Variants in MYO5B observed in about 807,000 individuals in gnomAD.
The protein encoded by MYO5B is unconventional myosin-Vb.
In MYO5B, 143 loss-of-function variants were observed where a neutral mutation model predicts 229.3. The ratio of observed to expected loss-of-function variants is 0.62; its 90% CI spans 0.54 to 0.72. The LOEUF (loss-of-function observed/expected upper bound fraction) is 0.72, where lower values mean the gene tolerates loss of function less well. MYO5B is among the 30% of genes least tolerant of loss of function. The pLI is 0.00. For missense variants in MYO5B, 2,321 were observed against 2,331.0 expected (o/e 1.00, Z 0.09); for synonymous variants, 918 against 885.2 (o/e 1.04, Z -0.66).
At chr18:50,043,375 AT>A (rs2030096569) in intron 2 of MYO5B, among the ~76,000 whole-genome samples, 4 of 98,506 alleles carry the variant, frequency 4.1e-5, no homozygotes, top group Non-Finnish European at 7.7e-5. Context: ...TATATAATAT[AT>A]AATATATTAA....
intron 2 of MYO5B, among the ~76,000 whole-genome samples, chr18:50,051,399 T>C (rs778101777): frequency 3.9e-5 from 6 of 152,130 alleles, no homozygotes; most frequent in Non-Finnish European, 5.9e-5. Flanking sequence ...TGATAGATAG[T>C]AGATACAAAC....
chr18:49,864,952 A>C (rs1245904475), intron 27 of MYO5B, among the ~76,000 whole-genome samples: 1 of 152,190 alleles, frequency 6.6e-6, no homozygotes, highest in Admixed American at 6.5e-5. Flanking sequence ...CAGAGGAAAA[A>C]TACCTACATA....
chr18:50,152,443 A>C (rs1173368931), intron 1 of MYO5B, among the ~76,000 whole-genome samples: 1 of 152,266 alleles, frequency 6.6e-6, no homozygotes, highest in Non-Finnish European at 1.5e-5. Flanking sequence ...TAAATGTGCT[A>C]CTGCTTTCAG....
intron 1 of MYO5B, among the ~76,000 whole-genome samples, chr18:50,089,726 A>T (rs751019363): frequency 1.4e-4 from 22 of 152,138 alleles, no homozygotes; most frequent in Non-Finnish European, 2.5e-4. Context: ...CTCTGCAAAC[A>T]CAAACGTTTC....
intron 1 of MYO5B, among the ~76,000 whole-genome samples, chr18:50,055,780 G>A (rs1184965195): frequency 2.0e-5 from 3 of 151,264 alleles, no homozygotes; most frequent in African/African-American, 7.4e-5. Flanking sequence ...TATAGCAAAT[G>A]TTCAAAGCTT....
At chr18:50,073,034 T>C (rs192537515) in intron 1 of MYO5B, among the ~76,000 whole-genome samples, 103 of 152,316 alleles carry the variant, frequency 6.8e-4, no homozygotes, top group African/African-American at 2.3e-3. Flanking sequence ...GCCAAAGATT[T>C]ACTCCTAGCC....
chr18:49,863,339 C>T lies in MYO5B; in HGVS notation c.3844-12G>A. On this transcript the variant is annotated splice_polypyrimidine_tract_variant and intron_variant, in intron 28 of 39. Transcript: ENST00000285039. Reference sequence around the variant, plus strand: ...TTAATGTTCGGCTCCTAGAAAGCCCCAGATAAAAAAATAACTCTGGTTAAA... The same window carrying T: ...TTAATGTTCGGCTCCTAGAAAGCCCTAGATAAAAAAATAACTCTGGTTAAA... 6.2e-7 allele frequency: 1 copy of T among 1,611,972 alleles called. No homozygotes were observed. Among genetic ancestry groups the T allele is most frequent in the Non-Finnish European group, 8.5e-7 (1 of 1,178,578 alleles).
chr18:50,073,483 C>T (rs1251253490), intron 1 of MYO5B, among the ~76,000 whole-genome samples: 12 of 152,188 alleles, frequency 7.9e-5, no homozygotes, highest in African/African-American at 2.9e-4. Flanking sequence ...ACTCTGGCCA[C>T]CTGTTTGCTG....
intron 4 of MYO5B, among the ~76,000 whole-genome samples, chr18:50,015,424 T>C (rs1327375627): frequency 1.3e-5 from 2 of 152,244 alleles, no homozygotes; most frequent in Non-Finnish European, 2.9e-5. Flanking sequence ...TAAACTATTC[T>C]GGGTGTTCCT....
intron 12 of MYO5B, among the ~76,000 whole-genome samples, chr18:49,955,549 C>G (rs970830578): frequency 6.6e-6 from 1 of 152,156 alleles, no homozygotes; most frequent in Non-Finnish European, 1.5e-5. Flanking sequence ...TTATGGTAAA[C>G]TAATAAAATC....
intron 2 of MYO5B, among the ~76,000 whole-genome samples, chr18:50,050,047 G>C (rs2030351027): frequency 6.6e-6 from 1 of 152,144 alleles, no homozygotes; most frequent in African/African-American, 2.4e-5. Context: ...AATATTACCA[G>C]TAGATAATTA....
chr18:49,911,994 C>T (rs182680759), intron 18 of MYO5B, 68 bp downstream of exon 18: 646 of 1,197,548 alleles, frequency 5.4e-4, no homozygotes, highest in Non-Finnish European at 6.9e-4. Context: ...ATGTAGATAA[C>T]GACGCCACCC....
intron 18 of MYO5B, among the ~76,000 whole-genome samples, chr18:49,908,898 T>C (rs2024928512): frequency 6.6e-6 from 1 of 152,180 alleles, no homozygotes; most frequent in South Asian, 2.1e-4. Flanking sequence ...CTAAAATCCT[T>C]GCAGGGGAGA....
intron 4 of MYO5B, among the ~76,000 whole-genome samples, chr18:50,007,978 C>G (rs1174216600): frequency 6.6e-6 from 1 of 152,186 alleles, no homozygotes; most frequent in Admixed American, 6.5e-5. Context: ...CGGATTCAAA[C>G]TCAGGCTTCC....
chr18:50,065,021 AC>A (rs2030784263), intron 1 of MYO5B, among the ~76,000 whole-genome samples: 1 of 152,160 alleles, frequency 6.6e-6, no homozygotes, highest in African/African-American at 2.4e-5. Flanking sequence ...TCAAGAGATG[AC>A]CTATCTCAGA....
chr18:49,836,529 G>A (rs2023988653), intron 38 of MYO5B, among the ~76,000 whole-genome samples, 182 bp downstream of exon 38: 1 of 152,144 alleles, frequency 6.6e-6, no homozygotes, highest in Non-Finnish European at 1.5e-5. Context: ...TTGTTTCACA[G>A]ACCAAATGGT....
chr18:50,056,479 C>A (rs2030552757), intron 1 of MYO5B, among the ~76,000 whole-genome samples: 1 of 152,210 alleles, frequency 6.6e-6, no homozygotes, highest in Admixed American at 6.5e-5. Flanking sequence ...GCAACTTCCA[C>A]AGGGCCTATT....
At chr18:50,134,554 CAATAAATAAATAAATAAATAAATAAATA>C (rs57536679) in intron 1 of MYO5B, among the ~76,000 whole-genome samples, 12 of 141,504 alleles carry the variant, frequency 8.5e-5, no homozygotes, top group African/African-American at 2.4e-4. Context: ...GACTCCATCT[CAATAAATAAATAAATAAATAAATAAATA>C]AATAAATAAA....
At chr18:49,867,537 T>C (rs1442198704) in intron 27 of MYO5B, among the ~76,000 whole-genome samples, 1 of 152,140 alleles carries the variant, frequency 6.6e-6, no homozygotes, top group Non-Finnish European at 1.5e-5. Flanking sequence ...TGTCCCTGGG[T>C]AGCCCTAGGT....
Sources: allele counts gnomAD v4.1 joint callset (sites outside exome capture counted in the v4.1 genomes callset), GRCh38; gene constraint gnomAD v4.1.1; transcripts MANE v1.5; gene names NCBI Gene and HGNC (gene_info 2026-07-23, HGNC 2026-07-21).